Variants in KCNQ3 observed in about 807,000 individuals in gnomAD.
The protein encoded by KCNQ3 is potassium voltage-gated channel subfamily KQT member 3.
KCNQ3 carries 30 observed loss-of-function variants against 92.5 expected under a neutral mutation model. The ratio of observed to expected loss-of-function variants is 0.32; its 90% CI spans 0.24 to 0.44. The LOEUF (loss-of-function observed/expected upper bound fraction) is 0.44, where lower values mean the gene tolerates loss of function less well. Ranked by LOEUF, KCNQ3 falls within the 20% of genes least tolerant of loss-of-function variation. The pLI is 1.00. For missense variants in KCNQ3, 913 were observed against 1,140.3 expected, an observed-to-expected ratio of 0.80 and a Z score of 2.87; for synonymous variants, 450 against 468.8, an observed-to-expected ratio of 0.96 and a Z score of 0.52.
chr8:132,419,574 G>A (rs1250403409), intron 1 of KCNQ3, among the ~76,000 whole-genome samples: 1 of 152,138 alleles, frequency 6.6e-6, no homozygotes, highest in Non-Finnish European at 1.5e-5. Context: ...ACAATGGACA[G>A]CCACACCCAT....
intron 12 of KCNQ3, among the ~76,000 whole-genome samples, chr8:132,136,118 C>CAAAAAA (rs67331428): frequency 0.016 from 658 of 39,984 alleles, 5 homozygotes; most frequent in East Asian, 0.049. Context: ...GACTCCATCT[C>CAAAAAA]AAAAAAAAAA....
intron 1 of KCNQ3, among the ~76,000 whole-genome samples, chr8:132,408,025 T>C (rs1820539731): frequency 6.6e-6 from 1 of 152,174 alleles, no homozygotes; most frequent in African/African-American, 2.4e-5. Context: ...GTGCATAAAT[T>C]AATCTAGTTT....
Position 132,459,341 on chromosome 8 carries a change from C to T in KCNQ3, c.386+20806G>A, listed in dbSNP as rs542107156. On this transcript the variant is annotated intron_variant, in intron 1 of 14. Coordinates refer to ENST00000388996, the MANE Select transcript of KCNQ3 (RefSeq NM_004519.4). ...ATAAAGACAAGAGATTTATTTGGCT[C>T]ATGGTTCTGCAGGCATGGTGTCAGC... 6.6e-5 allele frequency among the ~76,000 whole-genome samples: 10 copies of T among 152,296 alleles called. 1 individual carries two copies. Among genetic ancestry groups the T allele is most frequent in the African/African-American group, 2.4e-4 (10 of 41,574 alleles).
rs187600254 is a variant in KCNQ3 at position 132,295,323 on chromosome 8, C to T, written c.387-109142G>A. Among the ~76,000 whole-genome samples the T allele has an allele frequency of 7.9e-5, 12 of 152,190 alleles. No homozygotes were observed. The East Asian group carries it at 2.1e-3, about 27-fold the overall frequency. On this transcript the variant is annotated intron_variant, in intron 1 of 14. Coordinates refer to ENST00000388996, the MANE Select transcript of KCNQ3 (RefSeq NM_004519.4). ...GATAATTAGAGAAATGCAAATCAAA[C>T]CACAATGAGATAACATATCACACCA...
At chr8:132,311,937 T>C (rs901136518) in intron 1 of KCNQ3, among the ~76,000 whole-genome samples, 1 of 151,512 alleles carries the variant, frequency 6.6e-6, no homozygotes, top group African/African-American at 2.4e-5. Context: ...GGGAACTAAA[T>C]CCAGTGACTG....
At chr8:132,304,536 C>T (rs1038641747) in intron 1 of KCNQ3, among the ~76,000 whole-genome samples, 14 of 152,092 alleles carry the variant, frequency 9.2e-5, no homozygotes, top group African/African-American at 3.4e-4. Context: ...ATACAGTAAC[C>T]CTAACCACCT....
At chr8:132,229,531 A>G (rs534374572) in intron 1 of KCNQ3, among the ~76,000 whole-genome samples, 1 of 152,126 alleles carries the variant, frequency 6.6e-6, no homozygotes, top group South Asian at 2.1e-4. Flanking sequence ...AAAGTTGATG[A>G]AATTCATTTT....
chr8:132,210,098 C>T lies in KCNQ3; in HGVS notation c.387-23917G>A, dbSNP rs111232120. On this transcript the variant is annotated intron_variant, in intron 1 of 14. Coordinates refer to ENST00000388996, the MANE Select transcript of KCNQ3 (RefSeq NM_004519.4). ...AAAGCTAGCTGTGAATTAAAATCAC[C>T]TGTGCACCTTAAGAAACCAAACACC... Among the ~76,000 whole-genome samples, 378 of 152,312 alleles carry T rather than the reference C, an allele frequency of 2.5e-3. 2 individuals carry two copies. The highest frequency in any genetic ancestry group is 8.6e-3 in the African/African-American group (358 of 41,562).
At chr8:132,134,475 G>C (rs1041305318) in intron 12 of KCNQ3, 87 bp from the exon 13 acceptor site, 9 of 940,722 alleles carry the variant, frequency 9.6e-6, no homozygotes, top group Non-Finnish European at 1.5e-5. Flanking sequence ...TCTAGAATGA[G>C]ATAAGGGTTT....
intron 1 of KCNQ3, among the ~76,000 whole-genome samples, chr8:132,212,988 T>G (rs1813907671): frequency 6.6e-6 from 1 of 152,206 alleles, no homozygotes; most frequent in Admixed American, 6.5e-5. Context: ...GCCTCTGTAT[T>G]CACTAGAGTT....
intron 9 of KCNQ3, among the ~76,000 whole-genome samples, chr8:132,152,427 G>T (rs1381702977): frequency 6.6e-6 from 1 of 152,170 alleles, no homozygotes; most frequent in African/African-American, 2.4e-5. Context: ...CTGTCTGCCT[G>T]CTTGTCCTAG....
rs1824765330 is a variant in KCNQ3, at chr8:132,129,139, C to A, written c.*123G>T. On this transcript the variant is annotated 3_prime_UTR_variant, in exon 15 of 15. Coordinates refer to ENST00000388996, the MANE Select transcript of KCNQ3 (RefSeq NM_004519.4). The surrounding 1 kb of genome is among the most constrained non-coding windows in gnomAD (Gnocchi z 5.9). ...GGAAGCCCCTGCCTGGGTGGGGCCA[C>A]CACGCACACGCATGCATTTGATGCA... The A allele has an allele frequency of 8.2e-7, 1 of 1,225,422 alleles. No individual in the cohort carries two copies. Among genetic ancestry groups the A allele is most frequent in the Non-Finnish European group, 1.2e-6 (1 of 866,670 alleles). The allele number at this position is 1,225,422 out of a possible 1,614,324, so 75.9% of individuals were successfully genotyped here.
intron 1 of KCNQ3, among the ~76,000 whole-genome samples, chr8:132,254,217 G>T (rs1815504773): frequency 6.6e-6 from 1 of 152,232 alleles, no homozygotes; most frequent in South Asian, 2.1e-4. Flanking sequence ...AGGAGGATGT[G>T]TGAAACGAGC....
At chr8:132,456,330 C>T (rs1821937493) in intron 1 of KCNQ3, among the ~76,000 whole-genome samples, 1 of 152,188 alleles carries the variant, frequency 6.6e-6, no homozygotes, top group Middle Eastern at 3.2e-3. Flanking sequence ...AAGCCCACTG[C>T]TTCTGCTATT....
intron 1 of KCNQ3, among the ~76,000 whole-genome samples, chr8:132,345,069 G>T (rs183671506): frequency 1.3e-5 from 2 of 152,248 alleles, no homozygotes; most frequent in African/African-American, 4.8e-5. Context: ...TAGATTGGTG[G>T]CCCTAACTTG....
intron 1 of KCNQ3, among the ~76,000 whole-genome samples, chr8:132,200,959 G>A (rs972493129): frequency 6.6e-6 from 1 of 152,110 alleles, no homozygotes; most frequent in African/African-American, 2.4e-5. Context: ...TATCTAAGAA[G>A]CCCATGAGTG....
Position 132,152,049 on chromosome 8 carries a change from C to T in KCNQ3, c.1263-10718G>A, listed in dbSNP as rs148417329. Among the ~76,000 whole-genome samples the T allele has an allele frequency of 5.2e-3, 789 of 152,274 alleles. 11 individuals carry two copies. The highest frequency in any genetic ancestry group is 0.018 in the African/African-American group (753 of 41,546). ...TTGTCAATTGTGTTTCTAACTCTAA[C>T]GACCCCGGACATTTGATAATTGTTG... On this transcript the variant is annotated intron_variant, in intron 9 of 14. Coordinates refer to ENST00000388996, the MANE Select transcript of KCNQ3 (RefSeq NM_004519.4).
intron 1 of KCNQ3, among the ~76,000 whole-genome samples, chr8:132,255,021 GT>G (rs199664952): frequency 8.6e-5 from 13 of 150,932 alleles, no homozygotes; most frequent in South Asian, 8.4e-4. Context: ...CAAGCTGACT[GT>G]TTTTTTTTCT....
chr8:132,188,835 G>C (rs917142868), intron 1 of KCNQ3, among the ~76,000 whole-genome samples: 1 of 152,214 alleles, frequency 6.6e-6, no homozygotes, highest in Non-Finnish European at 1.5e-5. Flanking sequence ...AGGGGCTGCA[G>C]CCAAGAGGTT....
Sources: allele counts gnomAD v4.1 joint callset (sites outside exome capture counted in the v4.1 genomes callset), GRCh38; gene constraint gnomAD v4.1.1; non-coding constraint Gnocchi (gnomAD v3.1); transcripts MANE v1.5; gene names NCBI Gene and HGNC (gene_info 2026-07-23, HGNC 2026-07-21).